Variants in DMD observed in about 807,000 individuals in gnomAD.
The protein encoded by DMD is mutant dystrophin.
DMD carries 63 observed loss-of-function variants against 330.1 expected under a neutral mutation model. The observed-to-expected ratio is 0.19, with a 90% CI of 0.16 to 0.24. DMD has a LOEUF of 0.24. Among genes scored for constraint, DMD ranks in the 10% least tolerant of loss-of-function variants. DMD has a pLI of 1.00. For missense variants in DMD, 3,344 were observed against 2,684.1 expected (o/e 1.25, Z -5.43); for synonymous variants, 1,223 against 959.8 (o/e 1.27, Z -5.07).
At chrX:32,481,672 T>C (rs2041912708) in intron 21 of DMD, among the ~76,000 whole-genome samples, 1 of 111,790 alleles carries the variant, frequency 8.9e-6, no homozygotes, top group Non-Finnish European at 1.9e-5. Context: ...ACTTATCATA[T>C]AGCTGGCACC....
intron 43 of DMD, among the ~76,000 whole-genome samples, chrX:32,268,549 C>T (rs1230697799): frequency 9.0e-6 from 1 of 111,416 alleles, no homozygotes; most frequent in Non-Finnish European, 1.9e-5. Flanking sequence ...TTTCTCTTAA[C>T]TTTCTCACAA....
intron 50 of DMD, among the ~76,000 whole-genome samples, chrX:31,779,685 T>TTGTGTGTGTGTG (rs34110475): frequency 1.1e-4 from 11 of 100,157 alleles, no homozygotes; most frequent in African/African-American, 3.7e-4. Context: ...GATACACACA[T>TTGTGTGTGTGTG]TGTGTGTGTG....
intron 74 of DMD, among the ~76,000 whole-genome samples, chrX:31,154,633 G>C (rs1413256475): frequency 2.7e-5 from 3 of 111,040 alleles, no homozygotes; most frequent in African/African-American, 9.8e-5. Context: ...CGTTTTAACA[G>C]CTGTCAATTA....
intron 48 of DMD, among the ~76,000 whole-genome samples, chrX:31,846,263 A>C (rs1355959445): frequency 4.5e-5 from 5 of 111,377 alleles, no homozygotes; most frequent in Non-Finnish European, 9.4e-5. Context: ...TTTACTTTGT[A>C]AATACTAGCT....
At chrX:31,988,533 C>T (rs1303339441) in intron 44 of DMD, among the ~76,000 whole-genome samples, 1 of 85,160 alleles carries the variant, frequency 1.2e-5, no homozygotes, top group Non-Finnish European at 2.4e-5. Context: ...AAAATAGCAA[C>T]ACTAAGAATA....
intron 9 of DMD, among the ~76,000 whole-genome samples, chrX:32,648,416 C>G (rs927473307): frequency 1.8e-5 from 2 of 111,613 alleles, no homozygotes; most frequent in Non-Finnish European, 3.8e-5. Flanking sequence ...ATTCATGGTT[C>G]ATAAAATCAT....
intron 50 of DMD, among the ~76,000 whole-genome samples, chrX:31,804,241 C>T (rs892265841): frequency 1.8e-5 from 2 of 111,499 alleles, no homozygotes; most frequent in Non-Finnish European, 3.8e-5. Context: ...ATTTCTACCA[C>T]GGTCTACTCG....
intron 50 of DMD, among the ~76,000 whole-genome samples, chrX:31,819,641 C>T (rs775496670): frequency 1.8e-5 from 2 of 112,958 alleles, no homozygotes; most frequent in African/African-American, 6.4e-5. Context: ...CTCTGCACAG[C>T]CAGCCCAGAT....
intron 44 of DMD, among the ~76,000 whole-genome samples, chrX:32,034,669 A>C (rs2095925978): frequency 8.9e-6 from 1 of 111,766 alleles, no homozygotes; most frequent in South Asian, 3.7e-4. Context: ...TCAAAAATAG[A>C]GTATTTCAAA....
At chrX:32,778,971 A>G (rs1320993750) in intron 7 of DMD, among the ~76,000 whole-genome samples, 1 of 111,770 alleles carries the variant, frequency 8.9e-6, no homozygotes, top group African/African-American at 3.3e-5. Context: ...ATGCAGGTTT[A>G]AACAAAAAAG....
rs57305198 is a variant in DMD at position 32,227,264 on chromosome X, CATATATATATATATATATATATAT to C, written c.6291-10225_6291-10202del. On this transcript the variant is annotated intron_variant, in intron 43 of 78. Coordinates refer to ENST00000357033, the MANE Select transcript of DMD (RefSeq NM_004006.3). ...GTCTATCCTAGCTTCTAAGTCTAAG[CATATATATATATATATATATATAT>C]ATATATATATATATATATATATATG... Among the ~76,000 whole-genome samples, 46 of 35,856 alleles carry C rather than the reference CATATATATATATATATATATATAT, an allele frequency of 1.3e-3. 2 individuals carry two copies. Among genetic ancestry groups the C allele is most frequent in the African/African-American group, 2.6e-3 (32 of 12,343 alleles). The allele number at this position is 35,856 out of a possible 115,157, so 31.1% of individuals were successfully genotyped here.
intron 60 of DMD, among the ~76,000 whole-genome samples, chrX:31,399,952 C>T (rs773533971): frequency 9.0e-6 from 1 of 111,001 alleles, no homozygotes; most frequent in Non-Finnish European, 1.9e-5. Flanking sequence ...TAAATGTGGC[C>T]CCAAATTTTC....
At chrX:31,803,087 A>C (rs778826735) in intron 50 of DMD, among the ~76,000 whole-genome samples, 4 of 112,385 alleles carry the variant, frequency 3.6e-5, no homozygotes, top group Non-Finnish European at 7.5e-5. Flanking sequence ...ATAGTGGTTA[A>C]AAATATATCC....
chrX:31,299,541 G>A (rs776275177), intron 62 of DMD, among the ~76,000 whole-genome samples: 4 of 111,184 alleles, frequency 3.6e-5, no homozygotes, highest in Non-Finnish European at 5.7e-5. Flanking sequence ...ACTTTGGGAC[G>A]CTGAGGTGGG....
intron 28 of DMD, 36 bp from the exon 29 acceptor site, chrX:32,438,426 T>G: frequency 8.4e-7 from 1 of 1,191,563 alleles, no homozygotes; most frequent in Non-Finnish European, 1.1e-6. Context: ...ATTTCTCCTT[T>G]TTTTTCTAAA....
At chrX:32,888,372 C>G (rs1446448811) in intron 2 of DMD, among the ~76,000 whole-genome samples, 1 of 110,427 alleles carries the variant, frequency 9.1e-6, no homozygotes, top group Non-Finnish European at 1.9e-5. Flanking sequence ...CATGTCTCAA[C>G]GAGCATGTCT....
At chrX:32,476,149 T>A (rs1397433419) in intron 21 of DMD, among the ~76,000 whole-genome samples, 1 of 110,708 alleles carries the variant, frequency 9.0e-6, no homozygotes, top group Non-Finnish European at 1.9e-5. Flanking sequence ...TAAAATTTGG[T>A]TTAATTGAAC....
chrX:32,681,147 C>T (rs1027242709), intron 9 of DMD, among the ~76,000 whole-genome samples: 7 of 111,612 alleles, frequency 6.3e-5, no homozygotes, highest in African/African-American at 2.3e-4. Context: ...TTTAGTAATA[C>T]CATTTATTGA....
rs756140277 is a variant in DMD at position 31,767,585 on chromosome X, A to AT, written c.7542+6374dup. Among the ~76,000 whole-genome samples, 5 of 112,349 alleles carry AT rather than the reference A, an allele frequency of 4.5e-5. No homozygotes were observed. In the South Asian group the frequency reaches 1.8e-3, roughly 41 times the overall value. On this transcript the variant is annotated intron_variant, in intron 51 of 78. Transcript: ENST00000357033. ...TTGTTGAATAAGGGAAACTATTGTA[A>AT]TAGCCACTTTCTGCTGGGTTTGTGA...
Sources: allele counts gnomAD v4.1 joint callset (sites outside exome capture counted in the v4.1 genomes callset), GRCh38; gene constraint gnomAD v4.1.1; transcripts MANE v1.5; gene names NCBI Gene and HGNC (gene_info 2026-07-23, HGNC 2026-07-21).